The following MZT2A variants were observed in gnomAD, a reference collection of about 807,000 sequenced individuals.
MZT2A encodes mitotic-spindle organizing protein 2A.
MZT2A carries 8 observed loss-of-function variants against 12.4 expected under a neutral mutation model. The observed-to-expected ratio is 0.64, with a 90% CI of 0.38 to 1.16. The LOEUF (loss-of-function observed/expected upper bound fraction) is 1.16. Ranked by LOEUF, MZT2A falls within the 50% of genes most tolerant of loss-of-function variation. The pLI, the probability that MZT2A is intolerant of heterozygous loss-of-function variation, is 0.01. For synonymous variants in MZT2A, 88 were observed against 107.5 expected (o/e 0.82, Z 1.12); for missense variants, 181 against 223.6 (o/e 0.81, Z 1.22).
In MZT2A at chr2:131,474,254, C is replaced by T. The variant is rs528854912; in HGVS notation, c.279-2072G>A. Among the ~76,000 whole-genome samples the T allele has an allele frequency of 3.1e-4, 47 of 151,858 alleles. No homozygotes were observed. In the South Asian group the frequency reaches 4.2e-3, roughly 13 times the overall value. ...CTGGGACTGCAGGCACCCGCCGCCA[C>T]GCCCGGCTAATTTTTTGTATTTTTA... is the stretch of plus-strand genomic sequence containing the variant. On this transcript the variant is annotated intron_variant and NMD_transcript_variant, in intron 2 of 4. Coordinates refer to the MZT2A transcript ENST00000427024.
intron 2 of MZT2A, chr2:131,490,809 C>A: frequency 6.5e-7 from 1 of 1,549,946 alleles, no homozygotes; most frequent in Non-Finnish European, 8.7e-7. Flanking sequence ...TGGAGCATAA[C>A]CAGAGAGGCC....
intron 2 of MZT2A, among the ~76,000 whole-genome samples, chr2:131,476,751 T>C (rs979894669): frequency 4.0e-5 from 6 of 151,868 alleles, no homozygotes; most frequent in Admixed American, 3.9e-4. Context: ...CCGACCAACA[T>C]GGCGAAACCC....
intron 2 of MZT2A, among the ~76,000 whole-genome samples, chr2:131,485,176 G>A (rs1256341691): frequency 2.6e-5 from 4 of 152,122 alleles, no homozygotes; most frequent in African/African-American, 7.2e-5. Context: ...TAAACAGGGC[G>A]TGTGTCCCCT....
chr2:131,483,865 T>C, downstream of MZT2A: 6 of 1,247,762 alleles, frequency 4.8e-6, no homozygotes, highest in Non-Finnish European at 6.2e-6. Flanking sequence ...TGAAGGGACC[T>C]GGTTAGTTCA....
intron 3 of MZT2A, chr2:131,470,397 T>A: frequency 8.0e-7 from 1 of 1,253,448 alleles, no homozygotes; most frequent in Non-Finnish European, 1.0e-6. Context: ...TCTGGAAGGC[T>A]GGACATTTAG....
At chr2:131,474,058 T>G (rs1678558331) in intron 2 of MZT2A, among the ~76,000 whole-genome samples, 1 of 143,894 alleles carries the variant, frequency 6.9e-6, no homozygotes. Context: ...TCCTGGAATT[T>G]GTGATACCAA....
downstream of MZT2A, among the ~76,000 whole-genome samples, chr2:131,481,446 T>C (rs1244273404): frequency 6.6e-6 from 1 of 150,532 alleles, no homozygotes; most frequent in Non-Finnish European, 1.5e-5. Context: ...TTTTTTTTTT[T>C]TTTTTTTGAG....
In MZT2A at chr2:131,477,861, C is replaced by T. The variant is rs145489198; in HGVS notation, c.279-5679G>A. Among the ~76,000 whole-genome samples, 48 of 152,258 alleles carry T rather than the reference C, an allele frequency of 3.2e-4. 1 individual carries two copies. The East Asian group carries it at 8.5e-3, about 27-fold the overall frequency. ...CATATTCTTCAGAGAATTACTGTGA[C>T]GGGCTATAATGTGGGGTTGATTATT... On this transcript the variant is annotated intron_variant and NMD_transcript_variant, in intron 2 of 4. Transcript: ENST00000427024.
downstream of MZT2A, chr2:131,480,762 G>T: frequency 1.2e-6 from 2 of 1,604,434 alleles, no homozygotes; most frequent in Non-Finnish European, 1.7e-6. Context: ...ATGACTGGGT[G>T]ATGTGGAGGC....
At chr2:131,472,194 T>C (rs1169106401) in intron 2 of MZT2A, 2 of 1,283,106 alleles carry the variant, frequency 1.6e-6, no homozygotes, top group African/African-American at 1.5e-5. Flanking sequence ...TGTTTGAATA[T>C]GAGCAAAAGA....
downstream of MZT2A, chr2:131,480,692 C>T (rs766965741): frequency 1.9e-6 from 3 of 1,613,560 alleles, no homozygotes; most frequent in South Asian, 1.1e-5. Flanking sequence ...CGGCCATCGC[C>T]ACCATCAAGA....
intron 2 of MZT2A, among the ~76,000 whole-genome samples, chr2:131,472,599 A>G (rs1437350474): frequency 6.6e-6 from 1 of 152,208 alleles, no homozygotes; most frequent in Non-Finnish European, 1.5e-5. Flanking sequence ...AAGTTATAAT[A>G]CCATATTTTT....
At position 131,492,032 on chromosome 2, in the gene MZT2A, G is replaced by A. The variant is rs2272358; in HGVS notation, c.171-8C>T. ...AGCAGGTCCACCAGGATCCTGGCGG[G>A]GACAGACGCGGGGCCGGTGAGCCCT... On this transcript the variant is annotated splice_region_variant and splice_polypyrimidine_tract_variant and intron_variant, in intron 1 of 2. Transcript: ENST00000309451. 0.22 allele frequency: 344,609 copies of A among 1,545,650 alleles called. 49,766 individuals are homozygous for A. The highest frequency in any genetic ancestry group is 0.76 in the East Asian group (31,187 of 41,110).
chr2:131,492,787 G>GGGGC (rs1553503324), upstream of MZT2A: 9 of 1,356,286 alleles, frequency 6.6e-6, no homozygotes, highest in African/African-American at 1.3e-4. Flanking sequence ...TCTTCGGGGG[G>GGGGC]GGTGGGGGGC....
At chr2:131,476,410 C>T (rs1285585553) in intron 2 of MZT2A, among the ~76,000 whole-genome samples, 1 of 152,194 alleles carries the variant, frequency 6.6e-6, no homozygotes, top group Non-Finnish European at 1.5e-5. Context: ...GATGAAGCTG[C>T]CGGCCTTTAG....
intron 2 of MZT2A, among the ~76,000 whole-genome samples, chr2:131,485,314 G>T (rs989562666): frequency 7.9e-5 from 12 of 152,144 alleles, no homozygotes; most frequent in African/African-American, 2.7e-4. Context: ...CCCTGGCTGG[G>T]GCTTGCATGT....
downstream of MZT2A, chr2:131,480,395 C>T (rs200918853): frequency 1.8e-4 from 285 of 1,599,988 alleles, 3 homozygotes; most frequent in Non-Finnish European, 3.1e-5. Context: ...TTGGGCAGAT[C>T]GTGTCCTCCA....
chr2:131,472,799 C>T (rs1264944805), intron 2 of MZT2A, among the ~76,000 whole-genome samples: 1 of 152,110 alleles, frequency 6.6e-6, no homozygotes, highest in South Asian at 2.1e-4. Context: ...GTATCCCAGC[C>T]GCTGAAGGAC....
intron 2 of MZT2A, among the ~76,000 whole-genome samples, chr2:131,487,233 G>A (rs1559358405): frequency 6.6e-6 from 1 of 152,170 alleles, no homozygotes; most frequent in Non-Finnish European, 1.5e-5. Flanking sequence ...TAATTCCAGT[G>A]CTTTGGGAGG....
Sources: allele counts gnomAD v4.1 joint callset (sites outside exome capture counted in the v4.1 genomes callset), GRCh38; gene constraint gnomAD v4.1.1; transcripts MANE v1.5; gene names NCBI Gene and HGNC (gene_info 2026-07-23, HGNC 2026-07-21).